UGT2B7: variants seen among roughly 807,000 people sequenced by gnomAD.
The protein encoded by UGT2B7 is UDP glucuronosyltransferase family 2 member B7.
UGT2B7 carries 51 observed loss-of-function variants against 51.9 expected under a neutral mutation model. The observed-to-expected ratio is 0.98, with a 90% CI of 0.78 to 1.24. The LOEUF (loss-of-function observed/expected upper bound fraction) is 1.24, where lower values mean the gene tolerates loss of function less well. Ranked by LOEUF, UGT2B7 falls within the 50% of genes most tolerant of loss-of-function variation. The probability of loss-of-function intolerance (pLI) is 0.00; values close to 1 mark genes in which losing one functional copy is unlikely to be tolerated. For synonymous variants in UGT2B7, 225 were observed against 211.6 expected, an observed-to-expected ratio of 1.06 and a Z score of -0.55; for missense variants, 727 against 628.4, an observed-to-expected ratio of 1.16 and a Z score of -1.68.
At chr4:69,090,096 T>C (rs1719052181) in intron 2 of UGT2B7, among the ~76,000 whole-genome samples, 1 of 152,190 alleles carries the variant, frequency 6.6e-6, no homozygotes, top group Non-Finnish European at 1.5e-5. Flanking sequence ...TCTTATGAAT[T>C]AGACTTTTCA....
chr4:69,057,950 G>A (rs1260796912), intron 1 of UGT2B7, among the ~76,000 whole-genome samples: 1 of 152,174 alleles, frequency 6.6e-6, no homozygotes, highest in Admixed American at 6.5e-5. Context: ...CGGAGTCAGA[G>A]GACAGTCAGG....
intron 1 of UGT2B7, among the ~76,000 whole-genome samples, chr4:69,080,283 C>T (rs534699401): frequency 6.6e-6 from 1 of 152,160 alleles, no homozygotes; most frequent in East Asian, 1.9e-4. Flanking sequence ...TGTGGTGGCT[C>T]ACACCTGTAA....
chr4:69,095,939 G>T (rs1719210374), upstream of UGT2B7, among the ~76,000 whole-genome samples: 1 of 152,106 alleles, frequency 6.6e-6, no homozygotes, highest in Admixed American at 6.6e-5. Context: ...CTAGGACAGG[G>T]GAAATGCAGA....
chr4:69,053,261 T>C (rs1212317742), intron 1 of UGT2B7, among the ~76,000 whole-genome samples: 1 of 152,190 alleles, frequency 6.6e-6, no homozygotes, highest in Admixed American at 6.5e-5. Context: ...AGAAGCATTA[T>C]TAAATATGAA....
chr4:69,100,629 A>G (rs2109886867), intron 2 of UGT2B7, among the ~76,000 whole-genome samples: 1 of 152,166 alleles, frequency 6.6e-6, no homozygotes, highest in Non-Finnish European at 1.5e-5. Flanking sequence ...ATACTAAGGG[A>G]AAAACTGATA....
chr4:69,064,094 A>AAGAGAGAGAGAG (rs112391559), intron 1 of UGT2B7, among the ~76,000 whole-genome samples: 39 of 84,482 alleles, frequency 4.6e-4, no homozygotes, highest in Middle Eastern at 6.0e-3. Context: ...GAAAGAAAGA[A>AAGAGAGAGAGAG]AGAGAAAGAA....
In UGT2B7 at chr4:69,103,403, A is replaced by G. The variant is rs375011616; in HGVS notation, c.1002+465A>G. The stretch of plus-strand genomic sequence containing the variant: ...GGAGTTACTACCCTTGGTATGCATG[A>G]GTAGTTCCTATTAGCATCAGTGGGA... On this transcript the variant is annotated intron_variant, in intron 3 of 5. Transcript: ENST00000305231. Among the ~76,000 whole-genome samples, 20 of 152,244 alleles carry G rather than the reference A, an allele frequency of 1.3e-4. No individual in the cohort carries two copies. In the East Asian group the frequency reaches 3.5e-3, roughly 26 times the overall value.
At chr4:69,089,005 G>C (rs1472650630) in intron 1 of UGT2B7, among the ~76,000 whole-genome samples, 3 of 152,118 alleles carry the variant, frequency 2.0e-5, no homozygotes, top group Non-Finnish European at 4.4e-5. Context: ...GTTTTCCCAT[G>C]TCTATGAGTC....
intron 1 of UGT2B7, among the ~76,000 whole-genome samples, chr4:69,070,414 A>G (rs1010417055): frequency 6.7e-6 from 1 of 148,270 alleles, no homozygotes; most frequent in Non-Finnish European, 1.5e-5. Flanking sequence ...ATACAATTAT[A>G]TGGAATATAT....
At chr4:69,089,946 A>G (rs1333226105) in intron 2 of UGT2B7, among the ~76,000 whole-genome samples, 15 of 152,206 alleles carry the variant, frequency 9.9e-5, no homozygotes. Flanking sequence ...ACTAACTCCA[A>G]GGAACATAAA....
intron 1 of UGT2B7, among the ~76,000 whole-genome samples, chr4:69,076,397 C>T (rs779133645): frequency 6.6e-6 from 1 of 152,172 alleles, no homozygotes; most frequent in Non-Finnish European, 1.5e-5. Context: ...ACACTCTCAC[C>T]AACAGTGTAA....
At chr4:69,053,364 TA>T (rs890670857) in intron 1 of UGT2B7, among the ~76,000 whole-genome samples, 1 of 152,044 alleles carries the variant, frequency 6.6e-6, no homozygotes, top group African/African-American at 2.4e-5. Context: ...GTTAAAGACT[TA>T]AAAAAAACTT....
intron 5 of UGT2B7, among the ~76,000 whole-genome samples, chr4:69,109,907 T>C (rs1465236205): frequency 1.3e-5 from 2 of 151,438 alleles, no homozygotes; most frequent in East Asian, 3.9e-4. Flanking sequence ...AGAAGGATAA[T>C]GAATGATAAA....
intron 1 of UGT2B7, among the ~76,000 whole-genome samples, chr4:69,061,568 A>G (rs1455166646): frequency 6.6e-6 from 1 of 152,230 alleles, no homozygotes; most frequent in Non-Finnish European, 1.5e-5. Flanking sequence ...ATTACGTTGA[A>G]GGAAGATGGT....
Position 69,096,699 on chromosome 4 carries a change from C to T in UGT2B7, c.179C>T (p.Ala60Val), listed in dbSNP as rs1436118132. The change falls in exon 1 of 6, where the codon GCT becomes GTT. Residue 60 changes from alanine (A) to valine (V), a missense_variant. Physicochemically the swap from Ala to Val is moderately conservative, Grantham distance 64. Transcript: ENST00000305231. The stretch of plus-strand genomic sequence containing the variant: ...GAGGTGACTGTACTGGCATCTTCAG[C>T]TTCCATTCTTTTTGATCCCAACAAC... ...GHEVTVLASS[A>V]SILFDPNNSS... The T allele has an allele frequency of 1.9e-6, 3 of 1,613,866 alleles. No homozygotes were observed. The highest frequency in any genetic ancestry group is 2.5e-6 in the Non-Finnish European group (3 of 1,179,934).
rs1218243904 is a variant in UGT2B7 at position 69,064,048 on chromosome 4, GAA to G, written c.-159+12448_-159+12449del. Among the ~76,000 whole-genome samples, 4 of 92,156 alleles carry G rather than the reference GAA, an allele frequency of 4.3e-5. No individual in the cohort carries two copies. The East Asian group carries it at 9.6e-4, about 22-fold the overall frequency. The allele number at this position is 92,156 out of a possible 152,430, so 60.5% of individuals were successfully genotyped here. On this transcript the variant is annotated intron_variant, in intron 1 of 5. Transcript: ENST00000502942. ...AGAAAGAAAGAAAGAAAGAAAGAAA[GAA>G]AGAAAGAAAGAAAGAAAGAAAGAAA... is the stretch of plus-strand genomic sequence containing the variant.
chr4:69,064,804 T>C (rs891765630), intron 1 of UGT2B7, among the ~76,000 whole-genome samples: 2 of 152,188 alleles, frequency 1.3e-5, no homozygotes, highest in African/African-American at 4.8e-5. Context: ...TGCAAAAAGA[T>C]GTCAATTTAT....
intron 2 of UGT2B7, 77 bp from the exon 3 acceptor site, chr4:69,102,730 G>T: frequency 1.9e-6 from 3 of 1,553,052 alleles, no homozygotes; most frequent in Non-Finnish European, 1.7e-6. Context: ...TCTCTCTTTA[G>T]TAATTTGCAC....
intron 1 of UGT2B7, among the ~76,000 whole-genome samples, chr4:69,059,375 T>C (rs1187670192): frequency 6.6e-6 from 1 of 152,218 alleles, no homozygotes; most frequent in Non-Finnish European, 1.5e-5. Context: ...TCTGTTCCTT[T>C]GCTGGGAAGA....
Sources: allele counts gnomAD v4.1 joint callset (sites outside exome capture counted in the v4.1 genomes callset), GRCh38; gene constraint gnomAD v4.1.1; transcripts MANE v1.5; gene names NCBI Gene and HGNC (gene_info 2026-07-23, HGNC 2026-07-21).